Variants in GPC5 observed in about 807,000 individuals in gnomAD.
GPC5 encodes glypican-5.
Under a neutral mutation model 53.9 loss-of-function variants are expected in GPC5, and 47 were observed. The observed-to-expected ratio is 0.87, with a 90% confidence interval of 0.69 to 1.11. The LOEUF (loss-of-function observed/expected upper bound fraction) is 1.11, where lower values mean the gene tolerates loss of function less well. GPC5 is among the 50% of genes most tolerant of loss of function. The probability of loss-of-function intolerance (pLI) is 0.00; values close to 1 mark genes in which losing one functional copy is unlikely to be tolerated. For missense variants in GPC5, 748 were observed against 713.1 expected (o/e 1.05, Z -0.56); for synonymous variants, 286 against 263.3 (o/e 1.09, Z -0.84).
At chr13:92,794,314 C>T (rs926778024) in intron 7 of GPC5, among the ~76,000 whole-genome samples, 1 of 152,070 alleles carries the variant, frequency 6.6e-6, no homozygotes, top group African/African-American at 2.4e-5. Flanking sequence ...GGAGAAAAGG[C>T]CTTTGGCAAA....
intron 2 of GPC5, among the ~76,000 whole-genome samples, chr13:91,546,218 C>T (rs1278177087): frequency 6.6e-6 from 1 of 152,056 alleles, no homozygotes; most frequent in African/African-American, 2.4e-5. Context: ...AGGAAAACAG[C>T]TGCTGCATAT....
chr13:92,681,236 A>G (rs1164206079), intron 7 of GPC5, among the ~76,000 whole-genome samples: 1 of 152,168 alleles, frequency 6.6e-6, no homozygotes, highest in Non-Finnish European at 1.5e-5. Flanking sequence ...TGAGGATTAA[A>G]ATATCATGTC....
intron 7 of GPC5, among the ~76,000 whole-genome samples, chr13:92,394,478 G>T (rs368735119): frequency 3.9e-5 from 6 of 152,126 alleles, no homozygotes; most frequent in African/African-American, 1.4e-4. Context: ...CCCATGGAAG[G>T]ACAAAACAAG....
chr13:92,641,627 T>C (rs1294456174), intron 7 of GPC5, among the ~76,000 whole-genome samples: 1 of 152,178 alleles, frequency 6.6e-6, no homozygotes, highest in African/African-American at 2.4e-5. Flanking sequence ...ACTTCCCAAT[T>C]GGTTTGAGGG....
chr13:92,285,817 G>T (rs1385807926), intron 7 of GPC5, among the ~76,000 whole-genome samples: 2 of 152,120 alleles, frequency 1.3e-5, no homozygotes, highest in Non-Finnish European at 2.9e-5. Flanking sequence ...ACACCATTCA[G>T]GACATAGGCA....
chr13:92,676,625 T>G (rs1212865636), intron 7 of GPC5, among the ~76,000 whole-genome samples: 3 of 152,126 alleles, frequency 2.0e-5, no homozygotes, highest in East Asian at 3.9e-4. Flanking sequence ...TAAGGGTGTG[T>G]TTTTGTTCTC....
chr13:92,799,061 TC>T (rs1876806196), intron 7 of GPC5, among the ~76,000 whole-genome samples: 1 of 151,712 alleles, frequency 6.6e-6, no homozygotes, highest in Non-Finnish European at 1.5e-5. Context: ...AATTAGCAAG[TC>T]TTATGATCAG....
At chr13:91,525,509 G>A (rs551656778) in intron 2 of GPC5, among the ~76,000 whole-genome samples, 1 of 152,134 alleles carries the variant, frequency 6.6e-6, no homozygotes, top group South Asian at 2.1e-4. Context: ...TGAAACTGTG[G>A]TTATTACAGA....
At chr13:91,998,271 A>G (rs2040522427) in intron 6 of GPC5, among the ~76,000 whole-genome samples, 1 of 152,196 alleles carries the variant, frequency 6.6e-6, no homozygotes, top group Non-Finnish European at 1.5e-5. Flanking sequence ...TAAATGCTGT[A>G]GGTATAGAAT....
intron 6 of GPC5, among the ~76,000 whole-genome samples, chr13:91,936,892 C>T (rs147122308): frequency 1.1e-4 from 16 of 152,048 alleles, no homozygotes; most frequent in African/African-American, 3.9e-4. Context: ...TCCATTCTTC[C>T]CTGCTTACCA....
intron 6 of GPC5, among the ~76,000 whole-genome samples, chr13:91,968,308 G>A (rs564756973): frequency 6.6e-6 from 1 of 151,756 alleles, no homozygotes; most frequent in Non-Finnish European, 1.5e-5. Flanking sequence ...GTGGTACATA[G>A]TATCAGATAA....
chr13:92,026,135 T>C (rs2040798883), intron 6 of GPC5, among the ~76,000 whole-genome samples: 1 of 152,150 alleles, frequency 6.6e-6, no homozygotes, highest in African/African-American at 2.4e-5. Flanking sequence ...CATACCTGTC[T>C]TTCCTTCTTA....
chr13:91,649,640 G>A lies in GPC5; in HGVS notation c.326-43547G>A, dbSNP rs78400473. Among the ~76,000 whole-genome samples, 28 of 152,308 alleles carry A rather than the reference G, an allele frequency of 1.8e-4. No homozygotes were observed. In the East Asian group the frequency reaches 5.2e-3, roughly 28 times the overall value. On this transcript the variant is annotated intron_variant, in intron 2 of 7. Transcript: ENST00000377067. ...ATCCCAGTGTGTTGTTCCGTCCACAGCATGTTACGATGCAGAGAATGTCTA... is the reference window on the plus strand; with the variant it reads ...ATCCCAGTGTGTTGTTCCGTCCACAACATGTTACGATGCAGAGAATGTCTA...
chr13:92,772,374 G>T (rs1165810928), intron 7 of GPC5, among the ~76,000 whole-genome samples: 3 of 152,128 alleles, frequency 2.0e-5, no homozygotes, highest in Admixed American at 2.0e-4. Context: ...GTTCCACCCA[G>T]TTGGCCTCCC....
chr13:92,754,941 G>C (rs9561141), intron 7 of GPC5, among the ~76,000 whole-genome samples: 80 of 151,270 alleles, frequency 5.3e-4, no homozygotes, highest in African/African-American at 1.7e-3. Flanking sequence ...AGTCAACAAG[G>C]ATACCCAGGA....
At chr13:91,481,119 A>G (rs181076892) in intron 2 of GPC5, among the ~76,000 whole-genome samples, 1 of 152,286 alleles carries the variant, frequency 6.6e-6, no homozygotes, top group Admixed American at 6.5e-5. Flanking sequence ...TCTCTCTGCC[A>G]TGTGAAGAAC....
chr13:91,636,369 A>G (rs1173427022), intron 2 of GPC5, among the ~76,000 whole-genome samples: 1 of 150,344 alleles, frequency 6.7e-6, no homozygotes, highest in East Asian at 1.9e-4. Flanking sequence ...TAGTGTATAC[A>G]CATTATATAA....
chr13:92,336,919 A>G (rs967994608), intron 7 of GPC5, among the ~76,000 whole-genome samples: 6 of 152,164 alleles, frequency 3.9e-5, no homozygotes, highest in African/African-American at 1.4e-4. Context: ...TCCAGCATGT[A>G]CAAGAAAGCA....
chr13:92,263,269 T>A (rs1369936462), intron 7 of GPC5, among the ~76,000 whole-genome samples: 6 of 152,166 alleles, frequency 3.9e-5, no homozygotes, highest in Non-Finnish European at 7.4e-5. Flanking sequence ...ACTTGGATAC[T>A]GTTTAAATAT....
Sources: gnomAD v4.1 joint callset for allele counts (sites outside exome capture counted in the v4.1 genomes callset) on GRCh38, gnomAD v4.1.1 for gene constraint, MANE v1.5 for transcripts, NCBI Gene and HGNC (gene_info 2026-07-23, HGNC 2026-07-21) for gene names.